STON2: variants seen among roughly 807,000 people sequenced by gnomAD.
The protein encoded by STON2 is stonin-2.
A neutral mutation model predicts 65.7 loss-of-function variants in STON2; 29 were observed. That is an observed-to-expected ratio of 0.44 (90% CI 0.33 to 0.60). STON2 has a LOEUF of 0.60. STON2 is among the 20% of genes least tolerant of loss of function. The pLI, the probability that STON2 is intolerant of heterozygous loss-of-function variation, is 0.03. For missense variants in STON2, 1,054 were observed against 1,118.1 expected (o/e 0.94, Z 0.82); for synonymous variants, 404 against 414.2 (o/e 0.98, Z 0.30).
intron 3 of STON2, among the ~76,000 whole-genome samples, chr14:81,375,473 C>T (rs1170442253): frequency 6.6e-6 from 1 of 151,820 alleles, no homozygotes; most frequent in Non-Finnish European, 1.5e-5. Context: ...ATAAAAAGTA[C>T]AATTCATCAG....
intron 2 of STON2, among the ~76,000 whole-genome samples, chr14:81,423,817 G>A (rs772138806): frequency 5.3e-5 from 8 of 152,154 alleles, no homozygotes; most frequent in Non-Finnish European, 1.2e-4. Context: ...TGTGTCTGCT[G>A]ACTGAAGGCT....
intron 4 of STON2, among the ~76,000 whole-genome samples, chr14:81,368,600 G>A (rs970482614): frequency 2.6e-5 from 4 of 152,126 alleles, no homozygotes; most frequent in Non-Finnish European, 4.4e-5. Flanking sequence ...TGTAATCCCA[G>A]CTACTTGGGA....
At chr14:81,431,528 C>T (rs1387593224) in intron 1 of STON2, among the ~76,000 whole-genome samples, 1 of 151,938 alleles carries the variant, frequency 6.6e-6, no homozygotes, top group East Asian at 1.9e-4. Flanking sequence ...CCTGTGATCC[C>T]AGCACTTTGG....
intron 3 of STON2, among the ~76,000 whole-genome samples, chr14:81,390,915 G>A (rs541560312): frequency 6.6e-5 from 10 of 152,264 alleles, no homozygotes; most frequent in Non-Finnish European, 1.3e-4. Flanking sequence ...GGTGGCTGCC[G>A]GCATTCCTTG....
At chr14:81,322,856 C>A (rs1178267809) in intron 5 of STON2, among the ~76,000 whole-genome samples, 4 of 152,166 alleles carry the variant, frequency 2.6e-5, no homozygotes, top group African/African-American at 9.7e-5. Flanking sequence ...TAGGCTGCTC[C>A]GTACAGGGAA....
At chr14:81,424,013 A>C (rs1901845101) in intron 2 of STON2, among the ~76,000 whole-genome samples, 1 of 152,174 alleles carries the variant, frequency 6.6e-6, no homozygotes. Context: ...GTAAATTCTA[A>C]ATGTGGAGAG....
chr14:81,393,559 C>T (rs769839739), intron 3 of STON2, among the ~76,000 whole-genome samples: 5 of 152,184 alleles, frequency 3.3e-5, no homozygotes, highest in Non-Finnish European at 7.3e-5. Flanking sequence ...TTCCCAAAGC[C>T]CACTTCTGGC....
At chr14:81,342,768 AG>A (rs144864186) in intron 4 of STON2, among the ~76,000 whole-genome samples, 3,483 of 152,200 alleles carry the variant, frequency 0.023, 144 homozygotes, top group African/African-American at 0.079. Context: ...ATGGTCTAGA[AG>A]GGGGGGCATG....
At position 81,386,166 on chromosome 14, in the gene STON2, G is replaced by C. The variant is rs747208712; in HGVS notation, c.373+9728C>G. 5.3e-5 allele frequency among the ~76,000 whole-genome samples: 8 copies of C among 152,050 alleles called. No homozygotes were observed. The East Asian group carries it at 1.3e-3, about 26-fold the overall frequency. ...TCCTGGGTACAGCATCCTCTGAGAC[G>C]GACTCCACAAAGGTCATTAACTACA... On this transcript the variant is annotated intron_variant, in intron 3 of 7. Coordinates refer to ENST00000614646, the MANE Select transcript of STON2 (RefSeq NM_001394390.1).
chr14:81,286,723 T>C (rs577808840), intron 5 of STON2, among the ~76,000 whole-genome samples: 1 of 152,316 alleles, frequency 6.6e-6, no homozygotes, highest in South Asian at 2.1e-4. Flanking sequence ...ACACAGTAGG[T>C]ATTTCATATT....
intron 3 of STON2, among the ~76,000 whole-genome samples, chr14:81,391,314 G>C (rs1900066040): frequency 6.6e-6 from 1 of 152,140 alleles, no homozygotes; most frequent in Admixed American, 6.5e-5. Flanking sequence ...TACATATGTG[G>C]TATTATTGCA....
chr14:81,296,891 TTTC>T (rs1297992398), intron 5 of STON2, among the ~76,000 whole-genome samples: 1 of 152,038 alleles, frequency 6.6e-6, no homozygotes, highest in Non-Finnish European at 1.5e-5. Flanking sequence ...TATCTAAAAC[TTTC>T]TTAAGATTTC....
intron 5 of STON2, among the ~76,000 whole-genome samples, chr14:81,309,397 T>C (rs563906520): frequency 2.6e-5 from 4 of 152,238 alleles, no homozygotes; most frequent in Non-Finnish European, 4.4e-5. Flanking sequence ...ATCTATTATA[T>C]CTTGAATGTA....
rs1032482126 is a variant in STON2, at chr14:81,352,687, G to C, written c.571+18301C>G. On this transcript the variant is annotated intron_variant, in intron 4 of 7. Transcript: ENST00000614646. ...TTGGTGTCCTCATCTGTTAAAGAAG[G>C]ATCATAACACTAAAAGAACATCACA... is the stretch of plus-strand genomic sequence containing the variant. 6.6e-5 allele frequency among the ~76,000 whole-genome samples: 10 copies of C among 152,116 alleles called. No individual in the cohort carries two copies. In the South Asian group the frequency reaches 1.9e-3, roughly 28 times the overall value.
intron 3 of STON2, among the ~76,000 whole-genome samples, chr14:81,388,773 T>A (rs796180689): frequency 6.6e-6 from 1 of 152,184 alleles, no homozygotes; most frequent in Non-Finnish European, 1.5e-5. Context: ...AGAAAGGGAA[T>A]TGGGGGATGG....
intron 4 of STON2, among the ~76,000 whole-genome samples, chr14:81,357,601 G>A (rs995542364): frequency 3.3e-5 from 5 of 151,982 alleles, no homozygotes; most frequent in African/African-American, 1.2e-4. Context: ...ACATGCACAC[G>A]TATGTTTATT....
At chr14:81,329,250 T>C (rs1390788323) in intron 4 of STON2, among the ~76,000 whole-genome samples, 2 of 151,784 alleles carry the variant, frequency 1.3e-5, no homozygotes, top group African/African-American at 4.8e-5. Context: ...GGTCGGGAGA[T>C]AGACCATCCT....
intron 5 of STON2, among the ~76,000 whole-genome samples, chr14:81,308,908 AGAAAGGCTGCTT>A (rs1326533962): frequency 0.038 from 2,196 of 57,190 alleles, 204 homozygotes; most frequent in African/African-American, 0.11. Context: ...GATTTGAGAC[AGAAAGGCTGCTT>A]TAAAAGGCTA....
chr14:81,279,130 A>G (rs994641766), intron 5 of STON2, among the ~76,000 whole-genome samples: 18 of 152,184 alleles, frequency 1.2e-4, no homozygotes, highest in African/African-American at 4.3e-4. Flanking sequence ...AAATGATATA[A>G]GCTCATCTCA....
Sources: gnomAD v4.1 joint callset for allele counts (sites outside exome capture counted in the v4.1 genomes callset) on GRCh38, gnomAD v4.1.1 for gene constraint, MANE v1.5 for transcripts, NCBI Gene and HGNC (gene_info 2026-07-23, HGNC 2026-07-21) for gene names.